Variants in TRAP1 observed in about 807,000 individuals in gnomAD.
The protein encoded by TRAP1 is TNF receptor associated protein 1.
In TRAP1, 102 loss-of-function variants were observed where a neutral mutation model predicts 89.1. The observed-to-expected ratio is 1.15, with a 90% CI of 0.98 to 1.35. The LOEUF (loss-of-function observed/expected upper bound fraction) is 1.35. Ranked by LOEUF, TRAP1 falls within the 40% of genes most tolerant of loss-of-function variation. TRAP1 has a pLI of 0.00. For missense variants in TRAP1, 1,256 were observed against 945.3 expected, an observed-to-expected ratio of 1.33 and a Z score of -4.31; for synonymous variants, 508 against 388.0, an observed-to-expected ratio of 1.31 and a Z score of -3.64.
At chr16:3,662,704 C>CAGCGGCACTCCCG in intron 15 of TRAP1, 178 bp downstream of exon 15, 1 of 705,210 alleles carries the variant, frequency 1.4e-6, no homozygotes. Flanking sequence ...CTTCCTGCCT[C>CAGCGGCACTCCCG]AGCGGCACTC....
chr16:3,675,931 G>T, intron 7 of TRAP1, 105 bp downstream of exon 7: 1 of 1,022,324 alleles, frequency 9.8e-7, no homozygotes, highest in Non-Finnish European at 1.4e-6. Context: ...GGCTCTGCCT[G>T]TGCACCCTAC....
At chr16:3,663,597 G>T (rs780992830) in intron 13 of TRAP1, 35 bp from the exon 14 acceptor site, 1 of 1,610,818 alleles carries the variant, frequency 6.2e-7, no homozygotes, top group South Asian at 1.1e-5. Context: ...ATCAGACCCC[G>T]GGGGCCTCCA....
intron 4 of TRAP1, among the ~76,000 whole-genome samples, chr16:3,682,904 C>G (rs2051091203): frequency 6.6e-6 from 1 of 152,080 alleles, no homozygotes; most frequent in Non-Finnish European, 1.5e-5. Flanking sequence ...TGCGGTAGCT[C>G]ATGCCTATAA....
At chr16:3,682,119 A>G (rs2051080254) in intron 4 of TRAP1, among the ~76,000 whole-genome samples, 1 of 152,198 alleles carries the variant, frequency 6.6e-6, no homozygotes, top group African/African-American at 2.4e-5. Context: ...TGATAGGTCT[A>G]TTAACAGATA....
Position 3,705,071 on chromosome 16 carries a change from AT to A in TRAP1, c.88+12349del, listed in dbSNP as rs906285584. Reference sequence around the variant, plus strand: ...CAGCCACGACCACTAACCACAGAACATTTTTTTTTTTGAGACGGAGTCTCGC... The same window carrying A: ...CAGCCACGACCACTAACCACAGAACATTTTTTTTTTGAGACGGAGTCTCGC... On this transcript the variant is annotated intron_variant, in intron 1 of 17. Coordinates refer to ENST00000246957, the MANE Select transcript of TRAP1 (RefSeq NM_016292.3). 3.2e-4 allele frequency among the ~76,000 whole-genome samples: 48 copies of A among 148,022 alleles called. No individual in the cohort carries two copies. In the East Asian group the frequency reaches 3.7e-3, roughly 12 times the overall value.
At chr16:3,671,599 C>T in intron 11 of TRAP1, 123 bp downstream of exon 11, 2 of 1,034,938 alleles carry the variant, frequency 1.9e-6, no homozygotes, top group Admixed American at 2.1e-5. Context: ...CATGTGCAGG[C>T]CGGGCTTCCC....
chr16:3,666,572 A>C lies in TRAP1; in HGVS notation c.1236-454T>G, dbSNP rs957351645. ...TGCTAAATGGCCATAAAAAAAAAAA[A>C]CTGCATCTTTTAATAATCCTCAATG... On this transcript the variant is annotated intron_variant, in intron 11 of 17. Transcript: ENST00000246957. Among the ~76,000 whole-genome samples, 24 of 149,678 alleles carry C rather than the reference A, an allele frequency of 1.6e-4. 1 individual carries two copies. Among genetic ancestry groups the C allele is most frequent in the Non-Finnish European group, 3.3e-4 (22 of 67,562 alleles).
intron 9 of TRAP1, among the ~76,000 whole-genome samples, chr16:3,673,583 ATCT>A (rs71133650): frequency 0.3 from 46,023 of 151,732 alleles, 8,235 homozygotes; most frequent in East Asian, 0.48. Context: ...ATGCGGGGAG[ATCT>A]TATTAAAATG....
chr16:3,709,589 G>A (rs2051499072), intron 1 of TRAP1, among the ~76,000 whole-genome samples: 1 of 152,110 alleles, frequency 6.6e-6, no homozygotes, highest in Non-Finnish European at 1.5e-5. Flanking sequence ...GAATATAAGT[G>A]GAAAATGCAA....
chr16:3,686,194 A>G (rs2151266069), intron 3 of TRAP1, 58 bp from the exon 4 acceptor site: 10 of 1,582,384 alleles, frequency 6.3e-6, no homozygotes, highest in Non-Finnish European at 8.7e-6. Flanking sequence ...TGCAGGATCT[A>G]TCTGGTCAGC....
intron 10 of TRAP1, 28 bp from the exon 11 acceptor site, chr16:3,671,819 C>T (rs368053759): frequency 9.3e-6 from 15 of 1,608,248 alleles, no homozygotes; most frequent in East Asian, 2.2e-5. Context: ...CAGCTTCTCC[C>T]GGGGCTGCGG....
At chr16:3,659,116 C>T (rs560940187) in intron 16 of TRAP1, 1 of 433,490 alleles carries the variant, frequency 2.3e-6, no homozygotes, top group African/African-American at 2.0e-5. Context: ...ACTAAAGGGA[C>T]AAAAGGAGCT....
At chr16:3,701,779 G>A (rs1053447998) in intron 1 of TRAP1, among the ~76,000 whole-genome samples, 4 of 152,178 alleles carry the variant, frequency 2.6e-5, no homozygotes, top group Non-Finnish European at 5.9e-5. Flanking sequence ...GTAGTGGCAG[G>A]ACCCACAGGC....
intron 11 of TRAP1, among the ~76,000 whole-genome samples, chr16:3,667,868 C>T (rs2050858197): frequency 2.7e-5 from 4 of 147,566 alleles, no homozygotes; most frequent in Admixed American, 2.0e-4. Context: ...AAGCAATTCT[C>T]CTGCCTCAGC....
chr16:3,694,139 C>T (rs2051255103), intron 1 of TRAP1, among the ~76,000 whole-genome samples: 1 of 152,132 alleles, frequency 6.6e-6, no homozygotes, highest in Non-Finnish European at 1.5e-5. Context: ...TGCAGACCCT[C>T]CAGGCTCTGT....
rs71133652 is a variant in TRAP1 at position 3,710,879 on chromosome 16, A to ATATATATATATATAT, written c.88+6541_88+6542insATATATATATATATA. 1.3e-4 allele frequency among the ~76,000 whole-genome samples: 16 copies of ATATATATATATATAT among 125,794 alleles called. No individual in the cohort carries two copies. In the East Asian group the frequency reaches 3.6e-3, roughly 28 times the overall value. The allele number at this position is 125,794 out of a possible 152,430, so 82.5% of individuals were successfully genotyped here. A position where few individuals can be genotyped will look rare whatever the true frequency, so the allele number is the denominator to read the frequency against. On this transcript the variant is annotated intron_variant, in intron 1 of 17. Transcript: ENST00000246957. The stretch of plus-strand genomic sequence containing the variant: ...TGTGTATATATATATATATATATAT[A>ATATATATATATATAT]TTTTTTTTTTTGAGACACTGTCACT...
chr16:3,706,255 A>T (rs1334878450), intron 1 of TRAP1, among the ~76,000 whole-genome samples: 3 of 151,820 alleles, frequency 2.0e-5, no homozygotes, highest in African/African-American at 7.3e-5. Flanking sequence ...CACCAGGCCC[A>T]GCTTCCAACT....
intron 17 of TRAP1, 190 bp downstream of exon 17, chr16:3,658,603 G>A: frequency 3.3e-6 from 2 of 604,762 alleles, no homozygotes; most frequent in Admixed American, 3.0e-5. Flanking sequence ...AACCCGGGAG[G>A]CAGAGGTTGT....
chr16:3,678,242 T>TGC (rs2051025939), intron 5 of TRAP1: 1 of 152,686 alleles, frequency 6.5e-6, no homozygotes, highest in Admixed American at 6.5e-5. Context: ...AGGAACGTTC[T>TGC]GCCAGGTGCA....
Sources: gnomAD v4.1 joint callset for allele counts (sites outside exome capture counted in the v4.1 genomes callset) on GRCh38, gnomAD v4.1.1 for gene constraint, MANE v1.5 for transcripts, NCBI Gene and HGNC (gene_info 2026-07-23, HGNC 2026-07-21) for gene names.